Variants in CALR observed in about 807,000 individuals in gnomAD.
CALR encodes the protein CRP55.
In CALR, 15 loss-of-function variants were observed where a neutral mutation model predicts 51.1. That is an observed-to-expected ratio of 0.29 (90% CI 0.20 to 0.45). The LOEUF (loss-of-function observed/expected upper bound fraction) is 0.45, where lower values mean the gene tolerates loss of function less well. Among genes scored for constraint, CALR ranks in the 20% least tolerant of loss-of-function variants. CALR has a pLI of 1.00. For synonymous variants in CALR, 239 were observed against 205.9 expected (o/e 1.16, Z -1.38); for missense variants, 477 against 530.6 (o/e 0.90, Z 0.99).
chr19:12,940,516 T>G, intron 5 of CALR, 25 bp from the exon 6 acceptor site: 2 of 1,613,170 alleles, frequency 1.2e-6, no homozygotes, highest in Non-Finnish European at 1.7e-6. Flanking sequence ...CTGGGCCAAC[T>G]CTGATCTCTT....
rs1240930726 is a variant in CALR at position 12,943,953 on chromosome 19, CCTGCCGCAGAG to C, written c.*44_*54del. The stretch of plus-strand genomic sequence containing the variant: ...AGGGCTGGACTGAGGCCTGAGCGCT[CCTGCCGCAGAG>C]CTGGCCGCGCCAAATAATGTCTCTG... On this transcript the variant is annotated 3_prime_UTR_variant, in exon 9 of 9. Coordinates refer to ENST00000316448, the MANE Select transcript of CALR (RefSeq NM_004343.4). 1.9e-5 allele frequency: 31 copies of C among 1,603,620 alleles called. 1 individual carries two copies. The highest frequency in any genetic ancestry group is 2.6e-5 in the Non-Finnish European group (30 of 1,176,398).
chr19:12,942,995 A>AGG (rs1971568899), intron 7 of CALR, among the ~76,000 whole-genome samples: 1 of 146,576 alleles, frequency 6.8e-6, no homozygotes, highest in African/African-American at 2.5e-5. Flanking sequence ...GCCTCAAGTG[A>AGG]TCCGTTCGCC....
intron 1 of CALR, 107 bp downstream of exon 1, chr19:12,938,877 C>A: frequency 3.3e-6 from 3 of 915,142 alleles, no homozygotes; most frequent in Non-Finnish European, 5.3e-6. Flanking sequence ...ACACGGTGGC[C>A]TCCCGGGACT....
chr19:12,939,100 C>T (rs768180406), intron 1 of CALR, 34 bp from the exon 2 acceptor site: 2 of 1,274,744 alleles, frequency 1.6e-6, no homozygotes, highest in Non-Finnish European at 1.1e-6. Flanking sequence ...ATTAGCACAG[C>T]CGCTCTGACC....
rs1971517239 is a variant in CALR at position 12,939,601 on chromosome 19, C to T, written c.367C>T (p.His123Tyr). The T allele has an allele frequency of 6.2e-7, 1 of 1,614,022 alleles. No individual in the cohort carries two copies. Among genetic ancestry groups the T allele is most frequent in the East Asian group, 2.2e-5 (1 of 44,892 alleles). ...TAATAGTTTGGACCAGACAGACATG[C>T]ACGGAGACTCAGAATACAACATCAT... ...FPNSLDQTDM[H>Y]GDSEYNIMFG... Residue 123 changes from histidine (H) to tyrosine (Y), a missense_variant, in exon 3 of 9, where the codon CAC becomes TAC. Transcript: ENST00000316448.
chr19:12,941,993 A>G (rs868703728), intron 7 of CALR, among the ~76,000 whole-genome samples: 2 of 152,102 alleles, frequency 1.3e-5, no homozygotes, highest in Non-Finnish European at 2.9e-5. Context: ...AGCCTGGGGC[A>G]TCGAGGCTGC....
chr19:12,943,859 C>CAAGGAGGAAGAT lies in CALR; in HGVS notation c.1201_1212dup (p.Lys401_Asp404dup). On this transcript the variant is annotated inframe_insertion, in exon 9 of 9. Coordinates refer to ENST00000316448, the MANE Select transcript of CALR (RefSeq NM_004343.4). The stretch of plus-strand genomic sequence containing the variant: ...ATGAGGATGAGGAGGATGAGGAGGA[C>CAAGGAGGAAGAT]AAGGAGGAAGATGAGGAGGAAGATG... The CAAGGAGGAAGAT allele has an allele frequency of 5.1e-6, 8 of 1,583,274 alleles. No homozygotes were observed. The highest frequency in any genetic ancestry group is 6.0e-6 in the Non-Finnish European group (7 of 1,164,704).
intron 1 of CALR, 177 bp from the exon 2 acceptor site, chr19:12,938,957 A>G (rs1599658888): frequency 4.2e-6 from 3 of 721,178 alleles, no homozygotes; most frequent in Non-Finnish European, 7.5e-6. Flanking sequence ...CCGCGGCGGG[A>G]GTTAGGGTTA....
rs1599658943 is a variant in CALR, at chr19:12,939,006, G to C, written c.92-128G>C. 4.1e-6 allele frequency: 3 copies of C among 732,262 alleles called. No homozygotes were observed. In the East Asian group the frequency reaches 8.1e-5, roughly 20 times the overall value. The allele number at this position is 732,262 out of a possible 1,614,324, so 45.4% of individuals were successfully genotyped here. ...TGAAGGCACCCGACGTGTCAAACTA[G>C]AGGTTGGAATGGGGAGTGTCGGGGA... is the stretch of plus-strand genomic sequence containing the variant. On this transcript the variant is annotated intron_variant, in intron 1 of 8. Coordinates refer to ENST00000316448, the MANE Select transcript of CALR (RefSeq NM_004343.4).
In CALR at chr19:12,940,828, C is replaced by T; in HGVS notation, c.901C>T (p.Pro301Ser). 2 of 1,614,066 alleles carry T rather than the reference C, an allele frequency of 1.2e-6. No homozygotes were observed. The highest frequency in any genetic ancestry group is 1.7e-6 in the Non-Finnish European group (2 of 1,179,952). The change falls in exon 7 of 9, where the codon CCC (proline) becomes TCC (serine). Residue 301 changes from proline (P) to serine (S), a missense_variant. Coordinates refer to ENST00000316448, the MANE Select transcript of CALR (RefSeq NM_004343.4). ...HPEIDNPEYS[P>S]DPSIYAYDNF... ...AGAAATTGACAACCCCGAGTATTCT[C>T]CCGATCCCAGTATCTATGCCTATGA...
In CALR at chr19:12,938,872, G is replaced by C. The variant is rs1280289121; in HGVS notation, c.91+102G>C. ...AATTACCGTTTAGAGGTCCAACACG[G>C]TGGCCTCCCGGGACTAGAGCCGCGG... On this transcript the variant is annotated intron_variant, in intron 1 of 8. Transcript: ENST00000316448. 15 of 961,424 alleles carry C rather than the reference G, an allele frequency of 1.6e-5. No individual in the cohort carries two copies. The South Asian group carries it at 1.9e-4, about 12-fold the overall frequency. 59.6% of individuals were successfully genotyped at this position (961,424 alleles called of 1,614,324 possible). A position where few individuals can be genotyped will look rare whatever the true frequency, so the allele number is the denominator to read the frequency against.
intron 3 of CALR, 122 bp from the exon 4 acceptor site, chr19:12,939,931 T>C (rs1252382325): frequency 2.5e-6 from 2 of 794,622 alleles, no homozygotes; most frequent in Non-Finnish European, 2.2e-6. Context: ...AGGGTCTGAG[T>C]TTCTCTTCTC....
Position 12,943,703 on chromosome 19 carries a change from C to G in CALR, c.1054-10C>G, listed in dbSNP as rs1205202605. On this transcript the variant is annotated splice_polypyrimidine_tract_variant and intron_variant, in intron 8 of 8. Transcript: ENST00000316448. ...GGGGCAAGGCCCTGAGGTGTGTGCT[C>G]TGCCTGCAGGCAGCAGAGAAACAAA... 6.2e-7 allele frequency: 1 copy of G among 1,613,962 alleles called. No individual in the cohort carries two copies. The highest frequency in any genetic ancestry group is 1.1e-5 in the South Asian group (1 of 91,070).
rs1971585717 is a variant in CALR at position 12,943,860 on chromosome 19, A to G, written c.1201A>G (p.Lys401Glu). 5 of 1,584,146 alleles carry G rather than the reference A, an allele frequency of 3.2e-6. No homozygotes were observed. The highest frequency in any genetic ancestry group is 4.3e-6 in the Non-Finnish European group (5 of 1,165,214). Residue 401 changes from lysine (K) to glutamate (E), a missense_variant, in exon 9 of 9, where the codon AAG (lysine) becomes GAG (glutamate). By Grantham distance (56) the Lys-to-Glu change is moderately conservative. Coordinates refer to ENST00000316448, the MANE Select transcript of CALR (RefSeq NM_004343.4). ...KDEDEEDEED[K>E]EEDEEEDVPG... is the part of the protein sequence containing the mutation. ...TGAGGATGAGGAGGATGAGGAGGACAAGGAGGAAGATGAGGAGGAAGATGT... is the reference window on the plus strand; with the variant it reads ...TGAGGATGAGGAGGATGAGGAGGACGAGGAGGAAGATGAGGAGGAAGATGT...
At chr19:12,940,516 T>C in intron 5 of CALR, 25 bp from the exon 6 acceptor site, 9 of 1,613,170 alleles carry the variant, frequency 5.6e-6, no homozygotes, top group Non-Finnish European at 7.6e-6. Flanking sequence ...CTGGGCCAAC[T>C]CTGATCTCTT....
At chr19:12,939,660 C>T (rs1462296542) in intron 3 of CALR, 29 bp downstream of exon 3, 1 of 1,584,724 alleles carries the variant, frequency 6.3e-7, no homozygotes, top group Non-Finnish European at 8.7e-7. Flanking sequence ...GTGCTGATCT[C>T]TGTCCCATTA....
chr19:12,940,809 T>C lies in CALR; in HGVS notation c.882T>C (p.Ile294=). Reference sequence around the variant, plus strand: ...AGGGCACTTGGATCCACCCAGAAATTGACAACCCCGAGTATTCTCCCGATC... The same window carrying C: ...AGGGCACTTGGATCCACCCAGAAATCGACAACCCCGAGTATTCTCCCGATC... ...DYKGTWIHPE[I]DNPEYSPDPS... Residue 294 remains isoleucine, a synonymous_variant, in exon 7 of 9, where the codon ATT becomes ATC. Transcript: ENST00000316448. The C allele has an allele frequency of 6.2e-7, 1 of 1,613,970 alleles. No homozygotes were observed. The highest frequency in any genetic ancestry group is 8.5e-7 in the Non-Finnish European group (1 of 1,179,984).
chr19:12,939,201 C>T lies in CALR; in HGVS notation c.159C>T (p.Ser53=), dbSNP rs1277520418. The T allele has an allele frequency of 1.2e-6, 2 of 1,611,662 alleles. No individual in the cohort carries two copies. The highest frequency in any genetic ancestry group is 1.3e-5 in the African/African-American group (1 of 74,858). Residue 53 remains serine, a synonymous_variant, in exon 2 of 9, where the codon TCC becomes TCT. Coordinates refer to ENST00000316448, the MANE Select transcript of CALR (RefSeq NM_004343.4). Reference sequence around the variant, plus strand: ...ATTTTGGCAAATTCGTTCTCAGTTCCGGCAAGTTCTACGGTGACGAGGAGA... The same window carrying T: ...ATTTTGGCAAATTCGTTCTCAGTTCTGGCAAGTTCTACGGTGACGAGGAGA... The part of the protein sequence containing the change: ...KSDFGKFVLS[S]GKFYGDEEKD...
Position 12,943,872 on chromosome 19 carries a change from G to C in CALR, c.1213G>C (p.Glu405Gln). 6.3e-7 allele frequency: 1 copy of C among 1,588,484 alleles called. No homozygotes were observed. The highest frequency in any genetic ancestry group is 1.1e-5 in the South Asian group (1 of 87,390). Reference protein sequence around the residue: ...EEDEEDKEEDEEEDVPGQAKD... With the variant: ...EEDEEDKEEDQEEDVPGQAKD... The stretch of plus-strand genomic sequence containing the variant: ...GGATGAGGAGGACAAGGAGGAAGAT[G>C]AGGAGGAAGATGTCCCCGGCCAGGC... The change falls in exon 9 of 9, where the codon GAG becomes CAG. Residue 405 changes from glutamate (E) to glutamine (Q), a missense_variant. Transcript: ENST00000316448.
Sources: gnomAD v4.1 joint callset for allele counts (sites outside exome capture counted in the v4.1 genomes callset) on GRCh38, gnomAD v4.1.1 for gene constraint, MANE v1.5 for transcripts, NCBI Gene and HGNC (gene_info 2026-07-23, HGNC 2026-07-21) for gene names.